The following SEMA5B variants were observed in gnomAD, a reference collection of about 807,000 sequenced individuals.
SEMA5B encodes the protein semaphorin 5B.
SEMA5B carries 66 observed loss-of-function variants against 135.0 expected under a neutral mutation model. The observed-to-expected ratio is 0.49, with a 90% CI of 0.40 to 0.60. SEMA5B has a LOEUF of 0.60. Ranked by LOEUF, SEMA5B falls within the 20% of genes least tolerant of loss-of-function variation. The probability of loss-of-function intolerance (pLI) is 0.00; values close to 1 mark genes in which losing one functional copy is unlikely to be tolerated. For missense variants in SEMA5B, 1,501 were observed against 1,566.3 expected, an observed-to-expected ratio of 0.96 and a Z score of 0.70; for synonymous variants, 690 against 639.5, an observed-to-expected ratio of 1.08 and a Z score of -1.19.
intron 2 of SEMA5B, chr3:122,958,167 G>C (rs982053848): frequency 4.6e-5 from 7 of 152,300 alleles, no homozygotes; most frequent in African/African-American, 1.7e-4. Context: ...GACAGCCAGG[G>C]GCCAGGGTGG....
intron 18 of SEMA5B, 92 bp from the exon 19 acceptor site, chr3:122,912,434 G>T: frequency 8.3e-7 from 1 of 1,208,298 alleles, no homozygotes; most frequent in Non-Finnish European, 1.1e-6. Flanking sequence ...ACTCTGCCCT[G>T]AGCCACAGTG....
At chr3:123,025,622 C>G (rs1942780062) in intron 1 of SEMA5B, among the ~76,000 whole-genome samples, 2 of 152,164 alleles carry the variant, frequency 1.3e-5, no homozygotes, top group East Asian at 3.9e-4. Context: ...CCTTCCCAAA[C>G]TGGTGGTGAT....
At chr3:123,028,088 C>G (rs1360112162), upstream of SEMA5B, among the ~76,000 whole-genome samples, 1 of 152,178 alleles carries the variant, frequency 6.6e-6, no homozygotes, top group African/African-American at 2.4e-5. Context: ...CCCGCCTTGC[C>G]GTTCTCGGTC....
rs1337668926 is a variant in SEMA5B at position 122,909,127 on chromosome 3, T to C, written c.*1016A>G. On this transcript the variant is annotated 3_prime_UTR_variant, in exon 23 of 23. Coordinates refer to ENST00000357599, the MANE Select transcript of SEMA5B (RefSeq NM_001031702.4). The stretch of plus-strand genomic sequence containing the variant: ...CGCCTTGAGAGACCATCTGCCACCC[T>C]GGTGCATTGCTCAGATTGCCTAGAC... 1 of 152,696 alleles carries C rather than the reference T, an allele frequency of 6.5e-6. No individual in the cohort carries two copies. The highest frequency in any genetic ancestry group is 2.4e-5 in the African/African-American group (1 of 41,478). The allele number at this position is 152,696 out of a possible 1,614,324, so 9.5% of individuals were successfully genotyped here.
intron 21 of SEMA5B, 24 bp downstream of exon 21, chr3:122,911,467 T>G: frequency 6.2e-7 from 1 of 1,601,118 alleles, no homozygotes; most frequent in Non-Finnish European, 8.5e-7. Flanking sequence ...GACCGCAGCA[T>G]GAGGTAGGTC....
intron 3 of SEMA5B, among the ~76,000 whole-genome samples, chr3:122,948,247 C>T (rs1223489840): frequency 6.6e-6 from 1 of 152,286 alleles, no homozygotes; most frequent in East Asian, 1.9e-4. Context: ...AAAAGACTCC[C>T]CTTACCCCAG....
chr3:122,969,309 T>A (rs575109569), intron 1 of SEMA5B, among the ~76,000 whole-genome samples: 1 of 152,168 alleles, frequency 6.6e-6, no homozygotes, highest in Non-Finnish European at 1.5e-5. Flanking sequence ...CAGGGATGCT[T>A]TGGAGACAGA....
chr3:122,912,266 G>C lies in SEMA5B; in HGVS notation c.2802C>G (p.Thr934=), dbSNP rs1279272861. The C allele has an allele frequency of 1.2e-6, 2 of 1,612,274 alleles. No individual in the cohort carries two copies. ...ASCGGGHYQR[T]RSCTSPAPSP... is the part of the protein sequence containing the mutation. ...AGGGTGCGGGGCTGGTGCAGGAACGGGTGCGTTGATAGTGACCCCCACCAC... is the reference window on the plus strand; with the variant it reads ...AGGGTGCGGGGCTGGTGCAGGAACGCGTGCGTTGATAGTGACCCCCACCAC... Residue 934 remains threonine, a synonymous_variant, in exon 19 of 23, where the codon ACC becomes ACG. Coordinates refer to ENST00000357599, the MANE Select transcript of SEMA5B (RefSeq NM_001031702.4).
intron 1 of SEMA5B, among the ~76,000 whole-genome samples, chr3:122,978,119 G>A (rs112760790): frequency 5.1e-4 from 78 of 152,366 alleles, no homozygotes; most frequent in African/African-American, 1.6e-3. Flanking sequence ...ACTGACGCAG[G>A]AGACAGAATT....
chr3:122,909,513 C>G lies in SEMA5B; in HGVS notation c.*630G>C, dbSNP rs61996304. The G allele has an allele frequency of 0.015, 2,323 of 153,004 alleles. 63 individuals are homozygous for G. Among genetic ancestry groups the G allele is most frequent in the African/African-American group, 0.054 (2,225 of 41,562 alleles). 9.5% of individuals were successfully genotyped at this position (153,004 alleles called of 1,614,324 possible). On this transcript the variant is annotated 3_prime_UTR_variant, in exon 23 of 23. Coordinates refer to ENST00000357599, the MANE Select transcript of SEMA5B (RefSeq NM_001031702.4). ...GATTAAAGGACTTCTAAGCACAGGT[C>G]AGCCTCCAGTTCCCAGTACTCACTG...
chr3:122,938,670 G>A (rs1008610173), intron 5 of SEMA5B, among the ~76,000 whole-genome samples: 7 of 152,212 alleles, frequency 4.6e-5, no homozygotes, highest in Non-Finnish European at 5.9e-5. Flanking sequence ...TACACAGTAA[G>A]TGCTCAATGA....
chr3:122,928,349 A>T (rs1330267698), intron 7 of SEMA5B, among the ~76,000 whole-genome samples, 168 bp downstream of exon 7: 1 of 152,216 alleles, frequency 6.6e-6, no homozygotes, highest in Admixed American at 6.5e-5. Flanking sequence ...TTATGCTAAA[A>T]TATCACTTAT....
At chr3:122,969,091 A>G (rs1450592197) in intron 1 of SEMA5B, among the ~76,000 whole-genome samples, 1 of 152,158 alleles carries the variant, frequency 6.6e-6, no homozygotes, top group African/African-American at 2.4e-5. Flanking sequence ...ACAGTGTGCT[A>G]ATTATTTTTC....
At chr3:122,954,867 A>G (rs1201766311) in intron 2 of SEMA5B, among the ~76,000 whole-genome samples, 2 of 145,020 alleles carry the variant, frequency 1.4e-5, no homozygotes, top group African/African-American at 5.1e-5. Context: ...GATCACAGCC[A>G]CTGCAGCCTC....
chr3:122,928,835 C>T (rs973230107), intron 6 of SEMA5B, among the ~76,000 whole-genome samples, 161 bp downstream of exon 6: 12 of 149,598 alleles, frequency 8.0e-5, no homozygotes, highest in South Asian at 2.1e-4. Flanking sequence ...AGGACCAGCT[C>T]GCCACAGGGC....
intron 1 of SEMA5B, among the ~76,000 whole-genome samples, chr3:122,963,528 GA>G (rs1194371434): frequency 6.6e-6 from 1 of 151,226 alleles, no homozygotes; most frequent in Non-Finnish European, 1.5e-5. Context: ...AAAAAGAAAA[GA>G]AAAAGCTGTG....
intron 14 of SEMA5B, among the ~76,000 whole-genome samples, chr3:122,914,540 A>C (rs1425648501): frequency 6.6e-6 from 1 of 152,208 alleles, no homozygotes; most frequent in Non-Finnish European, 1.5e-5. Context: ...CTTAACTTTA[A>C]AGTACTCTTA....
At chr3:123,010,203 C>T (rs1273408051) in intron 1 of SEMA5B, among the ~76,000 whole-genome samples, 2 of 152,146 alleles carry the variant, frequency 1.3e-5, no homozygotes, top group African/African-American at 4.8e-5. Flanking sequence ...CCCCAGCATG[C>T]TCACACCAAC....
chr3:122,985,031 A>G (rs1245371315), intron 1 of SEMA5B, among the ~76,000 whole-genome samples: 1 of 152,250 alleles, frequency 6.6e-6, no homozygotes, highest in East Asian at 1.9e-4. Flanking sequence ...CCTAAAAATT[A>G]CACCATAAGA....
Sources: gnomAD v4.1 joint callset for allele counts (sites outside exome capture counted in the v4.1 genomes callset) on GRCh38, gnomAD v4.1.1 for gene constraint, MANE v1.5 for transcripts, NCBI Gene and HGNC (gene_info 2026-07-23, HGNC 2026-07-21) for gene names.